The following ENOX1 variants were observed in gnomAD, a reference collection of about 807,000 sequenced individuals.
ENOX1 encodes the protein candidate growth-related and time keeping constitutive hydroquinone (NADH) oxidase.
Under a neutral mutation model 82.5 loss-of-function variants are expected in ENOX1, and 42 were observed. The ratio of observed to expected loss-of-function variants is 0.51; its 90% CI spans 0.40 to 0.66. ENOX1 has a LOEUF of 0.66. Among genes scored for constraint, ENOX1 ranks in the 30% least tolerant of loss-of-function variants. ENOX1 has a pLI of 0.00. For missense variants in ENOX1, 608 were observed against 811.6 expected (o/e 0.75, Z 3.05); for synonymous variants, 271 against 282.2 (o/e 0.96, Z 0.40).
At chr13:43,384,102 C>T (rs2052250037) in intron 5 of ENOX1, among the ~76,000 whole-genome samples, 1 of 152,150 alleles carries the variant, frequency 6.6e-6, no homozygotes, top group South Asian at 2.1e-4. Context: ...GTGCTTATTC[C>T]TAAAAATGAA....
chr13:43,366,394 C>T (rs931961681), intron 5 of ENOX1, among the ~76,000 whole-genome samples: 1 of 152,116 alleles, frequency 6.6e-6, no homozygotes. Context: ...CCTGCCTCAG[C>T]CTCCTGAGTA....
intron 1 of ENOX1, among the ~76,000 whole-genome samples, chr13:43,741,221 A>C (rs1488134350): frequency 2.0e-5 from 3 of 151,968 alleles, no homozygotes; most frequent in Admixed American, 6.6e-5. Flanking sequence ...AGTAGCTGGG[A>C]TCACAGGCAC....
At chr13:43,351,338 G>A (rs1253180734) in intron 8 of ENOX1, among the ~76,000 whole-genome samples, 1 of 152,062 alleles carries the variant, frequency 6.6e-6, no homozygotes, top group Non-Finnish European at 1.5e-5. Flanking sequence ...AAAATTAAGG[G>A]GGCAATATGA....
chr13:43,678,376 TA>T (rs1190989398), intron 1 of ENOX1, among the ~76,000 whole-genome samples: 3 of 152,226 alleles, frequency 2.0e-5, no homozygotes, highest in Non-Finnish European at 2.9e-5. Context: ...ACGTCTTTAT[TA>T]TGTAACATAG....
intron 1 of ENOX1, among the ~76,000 whole-genome samples, chr13:43,671,936 AAT>A (rs1468771601): frequency 6.6e-6 from 1 of 152,242 alleles, no homozygotes; most frequent in East Asian, 1.9e-4. Context: ...TAATTTAAAA[AAT>A]ATGTTTTATT....
At chr13:43,628,849 A>T (rs940186489) in intron 2 of ENOX1, among the ~76,000 whole-genome samples, 4 of 152,046 alleles carry the variant, frequency 2.6e-5, no homozygotes, top group Non-Finnish European at 5.9e-5. Context: ...CCCAAGTGGG[A>T]ATTTATTTTA....
At chr13:43,776,753 A>C (rs1334178255) in intron 1 of ENOX1, among the ~76,000 whole-genome samples, 1 of 152,072 alleles carries the variant, frequency 6.6e-6, no homozygotes, top group African/African-American at 2.4e-5. Flanking sequence ...AGAACCAGAG[A>C]AGGTCTGTTG....
intron 3 of ENOX1, among the ~76,000 whole-genome samples, chr13:43,474,646 A>G (rs2058206121): frequency 6.6e-6 from 1 of 152,144 alleles, no homozygotes; most frequent in East Asian, 1.9e-4. Context: ...TAAGACCTAC[A>G]CTTACTTTTC....
intron 2 of ENOX1, among the ~76,000 whole-genome samples, chr13:43,629,045 A>G (rs565444980): frequency 5.1e-4 from 78 of 152,300 alleles, no homozygotes; most frequent in Non-Finnish European, 7.8e-4. Context: ...GAAATCTACC[A>G]TCTGATACTG....
intron 2 of ENOX1, among the ~76,000 whole-genome samples, chr13:43,616,204 A>ATATATATATATATATATATATATATATTT (rs1457149422): frequency 2.0e-4 from 3 of 15,316 alleles, no homozygotes; most frequent in Non-Finnish European, 4.2e-4. Flanking sequence ...ATATATATAT[A>ATATATATATATATATATATATATATATTT]TTTTTTTTTT....
chr13:43,700,384 A>G (rs9567250), intron 1 of ENOX1, among the ~76,000 whole-genome samples: 60,097 of 152,008 alleles, frequency 0.4, 14,630 homozygotes, highest in Non-Finnish European at 0.56. Context: ...AGAGTCTGGT[A>G]GCATGTCTCG....
At chr13:43,703,652 A>G (rs544255538) in intron 1 of ENOX1, among the ~76,000 whole-genome samples, 1 of 152,330 alleles carries the variant, frequency 6.6e-6, no homozygotes, top group East Asian at 1.9e-4. Context: ...TATAACAAAC[A>G]GGCAATATGC....
intron 2 of ENOX1, among the ~76,000 whole-genome samples, chr13:43,650,400 C>A (rs2084103904): frequency 6.6e-6 from 1 of 152,162 alleles, no homozygotes; most frequent in Admixed American, 6.5e-5. Context: ...GTTCACTGAT[C>A]CCTGCGTTAT....
Position 43,446,601 on chromosome 13 carries a change from G to A in ENOX1, c.-74-33613C>T, listed in dbSNP as rs1279419698. ...CTGGCTACCTCTCTATGCCCTCCATGGCTATTCTGCCTTCTGGGCTTACCT... is the reference window on the plus strand; with the variant it reads ...CTGGCTACCTCTCTATGCCCTCCATAGCTATTCTGCCTTCTGGGCTTACCT... On this transcript the variant is annotated intron_variant, in intron 3 of 16. Transcript: ENST00000690772. 2.6e-5 allele frequency among the ~76,000 whole-genome samples: 4 copies of A among 152,082 alleles called. No homozygotes were observed. The East Asian group carries it at 7.7e-4, about 29-fold the overall frequency.
intron 9 of ENOX1, among the ~76,000 whole-genome samples, chr13:43,328,064 A>G (rs555906673): frequency 1.3e-5 from 2 of 151,980 alleles, no homozygotes; most frequent in African/African-American, 4.8e-5. Context: ...TTTGTCTCAT[A>G]CTCTCCTTGG....
intron 15 of ENOX1, among the ~76,000 whole-genome samples, chr13:43,225,317 C>T (rs1285943779): frequency 6.6e-6 from 1 of 152,162 alleles, no homozygotes; most frequent in Non-Finnish European, 1.5e-5. Flanking sequence ...AGGGATTATG[C>T]CCATTACCAG....
intron 14 of ENOX1, among the ~76,000 whole-genome samples, chr13:43,247,848 T>C (rs1226544339): frequency 1.1e-3 from 2 of 1,892 alleles, no homozygotes; most frequent in East Asian, 0.016. Flanking sequence ...TATATATATA[T>C]ATATATATAT....
At chr13:43,582,764 CG>C (rs2080805763) in intron 2 of ENOX1, among the ~76,000 whole-genome samples, 1 of 152,016 alleles carries the variant, frequency 6.6e-6, no homozygotes, top group Non-Finnish European at 1.5e-5. Context: ...TTGGAAGAGA[CG>C]GGGTCTTGCT....
intron 14 of ENOX1, 80 bp downstream of exon 14, chr13:43,265,318 G>T: frequency 6.6e-6 from 8 of 1,203,142 alleles, no homozygotes; most frequent in South Asian, 1.4e-5. Context: ...TTTCCTTTAT[G>T]TGGTAGATAA....
Sources: allele counts gnomAD v4.1 joint callset (sites outside exome capture counted in the v4.1 genomes callset), GRCh38; gene constraint gnomAD v4.1.1; transcripts MANE v1.5; gene names NCBI Gene and HGNC (gene_info 2026-07-23, HGNC 2026-07-21).